Variants in GPC5 observed in about 807,000 individuals in gnomAD.
GPC5 encodes glypican-5.
In GPC5, 47 loss-of-function variants were observed where a neutral mutation model predicts 53.9. The ratio of observed to expected loss-of-function variants is 0.87; its 90% confidence interval spans 0.69 to 1.11. The LOEUF is 1.11. GPC5 is among the 50% of genes most tolerant of loss of function. The pLI is 0.00. For synonymous variants in GPC5, 286 were observed against 263.3 expected (o/e 1.09, Z -0.84); for missense variants, 748 against 713.1 (o/e 1.05, Z -0.56).
At chr13:91,846,242 T>G (rs536710077) in intron 5 of GPC5, among the ~76,000 whole-genome samples, 6 of 152,086 alleles carry the variant, frequency 3.9e-5, no homozygotes, top group Admixed American at 3.9e-4. Flanking sequence ...TAATATACAG[T>G]CATATTGATT....
At chr13:92,074,260 G>A (rs2041235689) in intron 6 of GPC5, among the ~76,000 whole-genome samples, 1 of 152,158 alleles carries the variant, frequency 6.6e-6, no homozygotes, top group South Asian at 2.1e-4. Context: ...GGTGTTAGAG[G>A]AAGAGAAGTG....
At chr13:91,570,709 A>G (rs2031742461) in intron 2 of GPC5, among the ~76,000 whole-genome samples, 1 of 152,068 alleles carries the variant, frequency 6.6e-6, no homozygotes, top group Non-Finnish European at 1.5e-5. Context: ...GTAATGTATG[A>G]TTTTTCTCTG....
chr13:92,380,297 A>G (rs2043728452), intron 7 of GPC5, among the ~76,000 whole-genome samples: 2 of 152,022 alleles, frequency 1.3e-5, no homozygotes, highest in African/African-American at 2.4e-5. Context: ...TCCATCCCCA[A>G]ATAATCTCTC....
intron 7 of GPC5, among the ~76,000 whole-genome samples, chr13:92,203,602 C>G (rs2042310782): frequency 7.0e-6 from 1 of 142,274 alleles, no homozygotes; most frequent in South Asian, 2.2e-4. Flanking sequence ...CTAACCTGCA[C>G]AATGTGCACA....
chr13:91,986,277 G>T (rs1292493135), intron 6 of GPC5, among the ~76,000 whole-genome samples: 1 of 151,828 alleles, frequency 6.6e-6, no homozygotes, highest in Non-Finnish European at 1.5e-5. Context: ...ATGTTAGCCA[G>T]CATGGTCTCA....
At position 91,819,410 on chromosome 13, in the gene GPC5, C is replaced by CA. The variant is rs201278566; in HGVS notation, c.1280+62991dup. Among the ~76,000 whole-genome samples the CA allele has an allele frequency of 1.9e-4, 29 of 152,134 alleles. No individual in the cohort carries two copies. In the East Asian group the frequency reaches 4.6e-3, roughly 24 times the overall value. On this transcript the variant is annotated intron_variant, in intron 5 of 7. Transcript: ENST00000377067. ...TCCTGACCTCGTGATTCGTCTGCCT[C>CA]AGCCTCCCAAAGTGCTGGGATTACA...
At chr13:91,648,200 T>C (rs948280251) in intron 2 of GPC5, among the ~76,000 whole-genome samples, 6 of 152,372 alleles carry the variant, frequency 3.9e-5, no homozygotes, top group Admixed American at 1.3e-4. Flanking sequence ...TTCATTCATT[T>C]ATCAAACATT....
intron 6 of GPC5, among the ~76,000 whole-genome samples, chr13:91,979,998 A>G (rs1202568280): frequency 1.3e-5 from 2 of 152,146 alleles, no homozygotes; most frequent in African/African-American, 4.8e-5. Context: ...GCAGTGGAGG[A>G]GATGAAGCAG....
chr13:92,527,113 AAAG>A (rs1566276379), intron 7 of GPC5, among the ~76,000 whole-genome samples: 27 of 48,370 alleles, frequency 5.6e-4, no homozygotes, highest in African/African-American at 2.0e-3. Context: ...AAGAAAAAAG[AAAG>A]AAAGAAAGAA....
At chr13:92,111,664 A>C (rs2041557819) in intron 6 of GPC5, among the ~76,000 whole-genome samples, 1 of 152,182 alleles carries the variant, frequency 6.6e-6, no homozygotes, top group African/African-American at 2.4e-5. Context: ...ATACAAAGAG[A>C]AATACAGAGG....
Position 92,518,968 on chromosome 13 carries a change from G to T in GPC5, c.1562-347314G>T, listed in dbSNP as rs138074278. Among the ~76,000 whole-genome samples, 252 of 152,108 alleles carry T rather than the reference G, an allele frequency of 1.7e-3. 1 individual carries two copies. The East Asian group carries it at 0.024, about 14-fold the overall frequency. ...GCAAATGGAAAACAAAAAAAGGCAG[G>T]GGTTGCAATCCTAGTCTCTGATAAA... On this transcript the variant is annotated intron_variant, in intron 7 of 7. Coordinates refer to ENST00000377067, the MANE Select transcript of GPC5 (RefSeq NM_004466.6).
intron 6 of GPC5, among the ~76,000 whole-genome samples, chr13:92,101,949 T>C (rs34989853): frequency 0.054 from 8,243 of 152,310 alleles, 309 homozygotes; most frequent in Non-Finnish European, 0.083. Context: ...CTCTGGATAC[T>C]GTCAACAGCC....
At chr13:91,857,378 T>C (rs1255893816) in intron 5 of GPC5, among the ~76,000 whole-genome samples, 1 of 151,538 alleles carries the variant, frequency 6.6e-6, no homozygotes, top group East Asian at 1.9e-4. Context: ...ATTTAGATCT[T>C]ATGTAATTTT....
chr13:92,371,892 CAA>C (rs2139295212), intron 7 of GPC5, among the ~76,000 whole-genome samples: 1 of 152,230 alleles, frequency 6.6e-6, no homozygotes, highest in Non-Finnish European at 1.5e-5. Flanking sequence ...AGCAGGGTCT[CAA>C]AGAATAAGAG....
rs543404209 is a variant in GPC5, at chr13:91,434,618, T to C, written c.164-14143T>C. On this transcript the variant is annotated intron_variant, in intron 1 of 7. Transcript: ENST00000377067. ...TGGTTACTGTAGCCTTGTAGTATAG[T>C]TTGAAGTCAGGTAGCATGATGCCTC... is the stretch of plus-strand genomic sequence containing the variant. Among the ~76,000 whole-genome samples, 1,307 of 152,318 alleles carry C rather than the reference T, an allele frequency of 8.6e-3. 13 individuals carry two copies. Among genetic ancestry groups the C allele is most frequent in the Middle Eastern group, 0.014 (4 of 294 alleles).
At chr13:91,665,337 A>G (rs2035082773) in intron 2 of GPC5, among the ~76,000 whole-genome samples, 1 of 152,208 alleles carries the variant, frequency 6.6e-6, no homozygotes, top group South Asian at 2.1e-4. Flanking sequence ...GGTCCCTTGA[A>G]GGCTAGAAAT....
At position 92,417,141 on chromosome 13, in the gene GPC5, A is replaced by T. The variant is rs189478844; in HGVS notation, c.1561+272152A>T. On this transcript the variant is annotated intron_variant, in intron 7 of 7. Transcript: ENST00000377067. ...ACCATAGTAAAATAAAAAAAATCAT[A>T]AGTCAAACTGTAATTAAGTTGGGGA... is the stretch of plus-strand genomic sequence containing the variant. Among the ~76,000 whole-genome samples the T allele has an allele frequency of 4.7e-4, 72 of 152,330 alleles. 1 individual carries two copies. Among genetic ancestry groups the T allele is most frequent in the Admixed American group, 4.2e-3 (65 of 15,300 alleles).
At chr13:92,042,340 G>A (rs933711316) in intron 6 of GPC5, among the ~76,000 whole-genome samples, 6 of 152,108 alleles carry the variant, frequency 3.9e-5, no homozygotes, top group African/African-American at 1.4e-4. Flanking sequence ...TTGGAACCGT[G>A]ATAGCACCAG....
At chr13:92,294,795 T>C (rs535574919) in intron 7 of GPC5, among the ~76,000 whole-genome samples, 1 of 151,266 alleles carries the variant, frequency 6.6e-6, no homozygotes, top group South Asian at 2.1e-4. Flanking sequence ...TTAGATTATC[T>C]GTTTGTGCTG....
Sources: allele counts gnomAD v4.1 joint callset (sites outside exome capture counted in the v4.1 genomes callset), GRCh38; gene constraint gnomAD v4.1.1; transcripts MANE v1.5; gene names NCBI Gene and HGNC (gene_info 2026-07-23, HGNC 2026-07-21).